Variants in RELB observed in about 807,000 individuals in gnomAD.
RELB encodes the protein transcription factor RelB.
RELB carries 14 observed loss-of-function variants against 55.4 expected under a neutral mutation model. The ratio of observed to expected loss-of-function variants is 0.25; its 90% CI spans 0.17 to 0.40. The LOEUF (loss-of-function observed/expected upper bound fraction) is 0.40. RELB is among the 10% of genes least tolerant of loss of function. The probability of loss-of-function intolerance (pLI) is 1.00; values close to 1 mark genes in which losing one functional copy is unlikely to be tolerated. For synonymous variants in RELB, 409 were observed against 371.3 expected, an observed-to-expected ratio of 1.10 and a Z score of -1.17; for missense variants, 669 against 830.7, an observed-to-expected ratio of 0.81 and a Z score of 2.39.
At chr19:45,022,264 G>A in intron 5 of RELB, 54 bp downstream of exon 5, 8 of 1,495,742 alleles carry the variant, frequency 5.3e-6, no homozygotes, top group Middle Eastern at 1.8e-4. Flanking sequence ...GATTCTAAGC[G>A]ACTGGAGGCC....
intron 10 of RELB, 28 bp from the exon 11 acceptor site, chr19:45,034,423 A>G (rs1971662883): frequency 2.5e-6 from 4 of 1,610,716 alleles, no homozygotes; most frequent in African/African-American, 1.3e-5. Context: ...GTCGGGGAAC[A>G]GGGGTCCTCA....
In RELB at chr19:45,034,512, G is replaced by C. The variant is rs762884186; in HGVS notation, c.1338G>C (p.Leu446=). The C allele has an allele frequency of 1.9e-6, 3 of 1,604,682 alleles. No homozygotes were observed. The East Asian group carries it at 6.7e-5, about 36-fold the overall frequency. ...KKKPAILDHF[L]PNHGSGPFLP... ...AGCCGGCCATCCTGGACCACTTCCT[G>C]CCCAACCACGGCTCAGGTGGGTCCC... Residue 446 remains leucine, a synonymous_variant, in exon 11 of 12, where the codon CTG becomes CTC. Coordinates refer to ENST00000221452, the MANE Select transcript of RELB (RefSeq NM_006509.4).
rs1971513900 is a variant in RELB, at chr19:45,023,400, CCT to C, written c.662+1191_662+1192del. 3.3e-5 allele frequency among the ~76,000 whole-genome samples: 5 copies of C among 149,698 alleles called. No homozygotes were observed. The South Asian group carries it at 1.1e-3, about 32-fold the overall frequency. ...GTTTAATTTGCAGTTTTCTTTCCTT[CCT>C]TCCTTCCTTCCTTCCTTCCTTCCTT... On this transcript the variant is annotated intron_variant, in intron 5 of 11. Coordinates refer to ENST00000221452, the MANE Select transcript of RELB (RefSeq NM_006509.4).
At chr19:45,006,464 A>G (rs1350870197) in intron 2 of RELB, among the ~76,000 whole-genome samples, 2 of 151,900 alleles carry the variant, frequency 1.3e-5, no homozygotes, top group East Asian at 3.9e-4. Context: ...TCGGCCTCTC[A>G]AAGTGCTGGG....
At chr19:45,020,714 C>T (rs1208489169) in intron 4 of RELB, among the ~76,000 whole-genome samples, 6 of 148,216 alleles carry the variant, frequency 4.0e-5, no homozygotes, top group South Asian at 2.2e-4. Flanking sequence ...CCCGCCACCA[C>T]GCCCAGCTAA....
At chr19:45,021,154 T>TG (rs1971481319) in intron 4 of RELB, among the ~76,000 whole-genome samples, 1 of 151,432 alleles carries the variant, frequency 6.6e-6, no homozygotes, top group African/African-American at 2.4e-5. Flanking sequence ...CTAGCTTAGG[T>TG]GATACAGCGA....
chr19:45,026,904 T>C (rs1407659845), intron 7 of RELB, among the ~76,000 whole-genome samples: 1 of 152,150 alleles, frequency 6.6e-6, no homozygotes, highest in East Asian at 1.9e-4. Context: ...GGGATATTAA[T>C]TCAGTCAGGG....
intron 2 of RELB, 30 bp from the exon 3 acceptor site, chr19:45,009,784 T>G (rs1283186356): frequency 6.3e-7 from 1 of 1,593,570 alleles, no homozygotes; most frequent in Non-Finnish European, 8.5e-7. Context: ...GGACCTTACC[T>G]TTCTCTTTCT....
intron 2 of RELB, among the ~76,000 whole-genome samples, chr19:45,005,766 C>A (rs2060251): frequency 0.88 from 133,750 of 152,178 alleles, 58,888 homozygotes; most frequent in East Asian, 0.94. Context: ...ACCATGTCCA[C>A]CTAATTTTTG....
At chr19:45,028,844 T>G in intron 7 of RELB, 44 bp from the exon 8 acceptor site, 3 of 1,510,512 alleles carry the variant, frequency 2.0e-6, no homozygotes, top group Non-Finnish European at 2.7e-6. Flanking sequence ...GACTGAATTC[T>G]CGGGATTTTT....
Position 45,001,609 on chromosome 19 carries a change from G to C in RELB, c.30G>C (p.Pro10=), listed in dbSNP as rs1161558614. The change falls in exon 1 of 12, where the codon CCG becomes CCC. Residue 10 remains proline (P), a synonymous_variant. Transcript: ENST00000221452. MLRSGPASG[P]SVPTGRAMPS... ...TTCGGTCTGGGCCAGCCTCTGGGCCGTCCGTCCCCACTGGCCGGGCCATGC... is the reference window on the plus strand; with the variant it reads ...TTCGGTCTGGGCCAGCCTCTGGGCCCTCCGTCCCCACTGGCCGGGCCATGC... 6.6e-7 allele frequency: 1 copy of C among 1,514,952 alleles called. No homozygotes were observed. The highest frequency in any genetic ancestry group is 1.4e-5 in the African/African-American group (1 of 70,650). 93.8% of individuals were successfully genotyped at this position (1,514,952 alleles called of 1,614,324 possible).
intron 2 of RELB, among the ~76,000 whole-genome samples, chr19:45,004,787 A>C (rs560250454): frequency 4.9e-4 from 74 of 151,960 alleles, no homozygotes; most frequent in Non-Finnish European, 4.6e-4. Flanking sequence ...GAATCACTTG[A>C]ACCTGGGAGG....
intron 11 of RELB, among the ~76,000 whole-genome samples, chr19:45,035,105 G>A (rs1823401369): frequency 6.6e-6 from 1 of 151,846 alleles, no homozygotes; most frequent in Non-Finnish European, 1.5e-5. Context: ...GCCTCCCAAA[G>A]TGCTGGGATT....
chr19:45,002,974 G>C lies in RELB; in HGVS notation c.132G>C (p.Ser44=). The C allele has an allele frequency of 1.2e-6, 2 of 1,613,216 alleles. No homozygotes were observed. Among genetic ancestry groups the C allele is most frequent in the East Asian group, 2.2e-5 (1 of 44,858 alleles). ...GGTCCCCCGACCTCTCCTCACTCTC[G>C]CTCGCCGTTTCCAGGAGCACAGGTG... is the stretch of plus-strand genomic sequence containing the variant. ...ALGSPDLSSL[S]LAVSRSTDEL... Residue 44 remains serine, a synonymous_variant, in exon 2 of 12, where the codon TCG becomes TCC. Coordinates refer to ENST00000221452, the MANE Select transcript of RELB (RefSeq NM_006509.4).
intron 8 of RELB, among the ~76,000 whole-genome samples, chr19:45,032,013 A>G (rs974422264): frequency 7.3e-5 from 11 of 151,500 alleles, no homozygotes; most frequent in Non-Finnish European, 1.3e-4. Context: ...CAAGGCGGGC[A>G]GATCACGAGG....
chr19:45,034,479 G>A lies in RELB; in HGVS notation c.1305G>A (p.Arg435=), dbSNP rs1436257662. 11 of 1,611,102 alleles carry A rather than the reference G, an allele frequency of 6.8e-6. No individual in the cohort carries two copies. The highest frequency in any genetic ancestry group is 2.2e-5 in the South Asian group (2 of 90,564). ...CCCATGGCATCGAGAGCAAACGGCG[G>A]AAGAAAAAGCCGGCCATCCTGGACC... ...SDPHGIESKR[R]KKKPAILDHF... is the part of the protein sequence containing the mutation. The change falls in exon 11 of 12, where the codon CGG becomes CGA. Residue 435 remains arginine, a synonymous_variant. Coordinates refer to ENST00000221452, the MANE Select transcript of RELB (RefSeq NM_006509.4).
intron 8 of RELB, among the ~76,000 whole-genome samples, chr19:45,031,606 T>C (rs761093333): frequency 2.0e-5 from 3 of 152,080 alleles, no homozygotes; most frequent in Non-Finnish European, 1.5e-5. Flanking sequence ...GGCGGAGTCT[T>C]GCTCTGTCCC....
intron 4 of RELB, among the ~76,000 whole-genome samples, chr19:45,017,695 C>T (rs141652051): frequency 0.012 from 1,581 of 135,496 alleles, 32 homozygotes; most frequent in African/African-American, 0.04. Flanking sequence ...GAGTTTTGCT[C>T]TTGTTGCCCA....
intron 2 of RELB, among the ~76,000 whole-genome samples, chr19:45,008,183 T>C (rs935411120): frequency 6.6e-6 from 1 of 151,002 alleles, no homozygotes; most frequent in African/African-American, 2.4e-5. Context: ...AAAATAAAAA[T>C]AAATAAAATA....
Sources: gnomAD v4.1 joint callset for allele counts (sites outside exome capture counted in the v4.1 genomes callset) on GRCh38, gnomAD v4.1.1 for gene constraint, MANE v1.5 for transcripts, NCBI Gene and HGNC (gene_info 2026-07-23, HGNC 2026-07-21) for gene names.